The following ARSG variants were observed in gnomAD, a reference collection of about 807,000 sequenced individuals.
ARSG encodes ASG.
In ARSG, 37 loss-of-function variants were observed where a neutral mutation model predicts 50.5. That is an observed-to-expected ratio of 0.73 (90% confidence interval 0.56 to 0.96). ARSG has a LOEUF of 0.96. Among genes scored for constraint, ARSG ranks in the 50% least tolerant of loss-of-function variants. The pLI is 0.00. For missense variants in ARSG, 629 were observed against 675.3 expected (o/e 0.93, Z 0.76); for synonymous variants, 225 against 254.6 (o/e 0.88, Z 1.11).
chr17:68,430,282 A>C, the ARSG span: 1 of 971,540 alleles, frequency 1.0e-6, no homozygotes, highest in Non-Finnish European at 1.5e-6. Flanking sequence ...GTGCCTTAGC[A>C]TAATGTTCTG....
chr17:68,278,312 T>A (rs782457967), intron 1 of ARSG: 1 of 1,612,844 alleles, frequency 6.2e-7, no homozygotes, highest in Non-Finnish European at 8.5e-7. Flanking sequence ...TTAATTTATT[T>A]TGGGTCATTC....
At chr17:68,318,856 T>C (rs1385462964) in intron 2 of ARSG, among the ~76,000 whole-genome samples, 3 of 152,204 alleles carry the variant, frequency 2.0e-5, no homozygotes, top group African/African-American at 7.2e-5. Flanking sequence ...AGGCTGTTTC[T>C]AAAACGGGCC....
intron 2 of ARSG, among the ~76,000 whole-genome samples, chr17:68,339,146 G>A (rs994693182): frequency 4.0e-5 from 6 of 151,732 alleles, no homozygotes; most frequent in East Asian, 1.9e-4. Flanking sequence ...CTTTGTAGCC[G>A]GGCGTGGTGG....
downstream of ARSG, among the ~76,000 whole-genome samples, chr17:68,425,119 G>T (rs12948224): frequency 6.6e-6 from 1 of 152,120 alleles, no homozygotes; most frequent in Admixed American, 6.5e-5. Flanking sequence ...GTGGGAACAG[G>T]CTGAGCAGGT....
the ARSG span, chr17:68,444,360 T>A: frequency 1.3e-6 from 1 of 767,644 alleles, no homozygotes; most frequent in East Asian, 2.7e-5. Context: ...AAGACAAAGC[T>A]TCGAGATAAA....
Position 68,307,850 on chromosome 17 carries a change from T to G in ARSG, c.218+139T>G. ...AGTTAATTTATTAATTAATTTGGTTTGAAGCCAGCATAGCATCGTGAAGAA... is the reference window on the plus strand; with the variant it reads ...AGTTAATTTATTAATTAATTTGGTTGGAAGCCAGCATAGCATCGTGAAGAA... On this transcript the variant is annotated intron_variant, in intron 2 of 11. Coordinates refer to ENST00000621439, the MANE Select transcript of ARSG (RefSeq NM_001267727.2). 4.9e-6 allele frequency: 3 copies of G among 610,464 alleles called. No individual in the cohort carries two copies. In the South Asian group the frequency reaches 6.5e-5, roughly 13 times the overall value. The allele number at this position is 610,464 out of a possible 1,614,324, so 37.8% of individuals were successfully genotyped here.
chr17:68,400,839 A>G (rs2081440551), intron 10 of ARSG, among the ~76,000 whole-genome samples: 1 of 152,162 alleles, frequency 6.6e-6, no homozygotes, highest in Non-Finnish European at 1.5e-5. Context: ...ACTCTTCCAG[A>G]GTTGTAACCC....
chr17:68,441,454 T>C, the ARSG span, among the ~76,000 whole-genome samples: 1 of 152,214 alleles, frequency 6.6e-6, no homozygotes, highest in South Asian at 2.1e-4. Context: ...CAAGGATTTA[T>C]AAAATCAACA....
chr17:68,269,582 A>T (rs1180642693), intron 1 of ARSG, among the ~76,000 whole-genome samples: 1 of 147,314 alleles, frequency 6.8e-6, no homozygotes, highest in African/African-American at 2.6e-5. Context: ...AGAGGACCTA[A>T]AACCTGGGAC....
In ARSG at chr17:68,385,252, A is replaced by G. The variant is rs575269324; in HGVS notation, c.1091+80A>G. On this transcript the variant is annotated intron_variant, in intron 9 of 11. Transcript: ENST00000621439. ...GAGGCATGGGTGGCTAGATGGAGGC[A>G]TGGGTGGCTAGATGGAGGCATGGGT... 5.9e-4 allele frequency: 754 copies of G among 1,284,816 alleles called. 1 individual carries two copies. The highest frequency in any genetic ancestry group is 7.8e-4 in the Non-Finnish European group (697 of 890,858). 79.6% of individuals were successfully genotyped at this position (1,284,816 alleles called of 1,614,324 possible).
In ARSG at chr17:68,307,457, C is replaced by T. The variant is rs782276533; in HGVS notation, c.-37C>T. On this transcript the variant is annotated 5_prime_UTR_variant, in exon 2 of 12. Transcript: ENST00000621439. ...CAGAAAAATCTCTAGTGGTGGCTGC[C>T]GTCGCTCCAGACAATCGGAATCCTG... 7.8e-6 allele frequency: 12 copies of T among 1,539,802 alleles called. No individual in the cohort carries two copies. Among genetic ancestry groups the T allele is most frequent in the South Asian group, 2.3e-5 (2 of 88,076 alleles).
intron 2 of ARSG, among the ~76,000 whole-genome samples, chr17:68,338,357 C>A (rs577872893): frequency 6.6e-6 from 1 of 152,162 alleles, no homozygotes; most frequent in Non-Finnish European, 1.5e-5. Flanking sequence ...TTTTCCTCTC[C>A]GCTTTAAAAC....
intron 2 of ARSG, among the ~76,000 whole-genome samples, chr17:68,336,293 T>A (rs2078016208): frequency 6.6e-6 from 1 of 150,770 alleles, no homozygotes; most frequent in South Asian, 2.1e-4. Context: ...CACTGCAACC[T>A]CCTTCTCCCA....
chr17:68,262,162 AAAAC>A (rs1164519331), intron 1 of ARSG, among the ~76,000 whole-genome samples: 1 of 82,730 alleles, frequency 1.2e-5, no homozygotes, highest in Non-Finnish European at 2.2e-5. Context: ...ATCTCAAACG[AAAAC>A]AAACAAAAAA....
Position 68,307,726 on chromosome 17 carries a change from G to T in ARSG, c.218+15G>T. 1.5e-6 allele frequency: 2 copies of T among 1,360,794 alleles called. No homozygotes were observed. The highest frequency in any genetic ancestry group is 2.1e-6 in the Non-Finnish European group (2 of 951,410). 84.3% of individuals were successfully genotyped at this position (1,360,794 alleles called of 1,614,324 possible). ...GAGGGAATGAGGTGAGTCTTGAGATGCCAGGCCAGCCTTTCTTTGGATGTC... is the reference window on the plus strand; with the variant it reads ...GAGGGAATGAGGTGAGTCTTGAGATTCCAGGCCAGCCTTTCTTTGGATGTC... On this transcript the variant is annotated intron_variant, in intron 2 of 11. Coordinates refer to ENST00000621439, the MANE Select transcript of ARSG (RefSeq NM_001267727.2).
chr17:68,344,176 C>G (rs1215504224), intron 3 of ARSG, among the ~76,000 whole-genome samples: 1 of 152,138 alleles, frequency 6.6e-6, no homozygotes, highest in Non-Finnish European at 1.5e-5. Context: ...CGATTTGGCT[C>G]AAGGAAGGAA....
At position 68,420,442 on chromosome 17, in the gene ARSG, C is replaced by T. The variant is rs1366005316; in HGVS notation, c.1557C>T (p.Ala519=). ...VTPCCNPYQI[A]CRCQAA ...CCTGCTGTAATCCCTACCAAATTGC[C>T]TGCCGCTGTCAAGCCGCATAACAGA... Residue 519 remains alanine (A), a synonymous_variant, in exon 12 of 12, where the codon GCC becomes GCT. Transcript: ENST00000621439. The T allele has an allele frequency of 6.2e-7, 1 of 1,614,068 alleles. No individual in the cohort carries two copies. The highest frequency in any genetic ancestry group is 2.2e-5 in the East Asian group (1 of 44,880).
At chr17:68,297,742 C>T (rs1224873142) in intron 1 of ARSG, among the ~76,000 whole-genome samples, 3 of 152,190 alleles carry the variant, frequency 2.0e-5, no homozygotes, top group African/African-American at 7.2e-5. Context: ...GTTGGGATTA[C>T]AGGCGTGAGC....
At chr17:68,314,381 C>T (rs1286441933) in intron 2 of ARSG, among the ~76,000 whole-genome samples, 3 of 152,052 alleles carry the variant, frequency 2.0e-5, no homozygotes, top group Non-Finnish European at 4.4e-5. Flanking sequence ...ACAAAAGTAG[C>T]CAGGCGTGGC....
Sources: gnomAD v4.1 joint callset for allele counts (sites outside exome capture counted in the v4.1 genomes callset) on GRCh38, gnomAD v4.1.1 for gene constraint, MANE v1.5 for transcripts, NCBI Gene and HGNC (gene_info 2026-07-23, HGNC 2026-07-21) for gene names.